PLCE1: variants seen among roughly 807,000 people sequenced by gnomAD.
The protein encoded by PLCE1 is phospholipase C epsilon 1, also known as 1-phosphatidylinositol 4,5-bisphosphate phosphodiesterase epsilon-1.
PLCE1 carries 119 observed loss-of-function variants against 242.8 expected under a neutral mutation model. The ratio of observed to expected loss-of-function variants is 0.49; its 90% CI spans 0.42 to 0.57. The LOEUF (loss-of-function observed/expected upper bound fraction) is 0.57, where lower values mean the gene tolerates loss of function less well. Among genes scored for constraint, PLCE1 ranks in the 20% least tolerant of loss-of-function variants. The probability of loss-of-function intolerance (pLI) is 0.00; values close to 1 mark genes in which losing one functional copy is unlikely to be tolerated. For synonymous variants in PLCE1, 945 were observed against 1,017.4 expected, an observed-to-expected ratio of 0.93 and a Z score of 1.35; for missense variants, 2,441 against 2,788.8, an observed-to-expected ratio of 0.88 and a Z score of 2.81.
At chr10:94,071,027 G>A (rs1012441958) in intron 2 of PLCE1, among the ~76,000 whole-genome samples, 2 of 152,190 alleles carry the variant, frequency 1.3e-5, no homozygotes, top group African/African-American at 2.4e-5. Flanking sequence ...TGGGAGGAGA[G>A]CTTCCCCTTT....
At chr10:94,321,214 C>T (rs17517173) in intron 29 of PLCE1, among the ~76,000 whole-genome samples, 5,312 of 152,318 alleles carry the variant, frequency 0.035, 146 homozygotes, top group South Asian at 0.063. Flanking sequence ...AAATGCTCAA[C>T]GTCTGTGGAA....
At chr10:94,101,722 G>A (rs552152204) in intron 2 of PLCE1, among the ~76,000 whole-genome samples, 1 of 152,336 alleles carries the variant, frequency 6.6e-6, no homozygotes, top group South Asian at 2.1e-4. Flanking sequence ...CTCTTTGGAG[G>A]GGCTGGCTTG....
intron 22 of PLCE1, among the ~76,000 whole-genome samples, chr10:94,286,003 A>G (rs1454982701): frequency 1.3e-5 from 2 of 152,140 alleles, no homozygotes; most frequent in African/African-American, 4.8e-5. Context: ...GCTGTTTTCA[A>G]TGAGGTACTC....
chr10:94,171,871 C>A (rs1164560802), intron 4 of PLCE1, among the ~76,000 whole-genome samples: 1 of 152,084 alleles, frequency 6.6e-6, no homozygotes, highest in African/African-American at 2.4e-5. Flanking sequence ...CAGCATGATC[C>A]CTGACCACAT....
At chr10:94,093,934 C>CTTGTTTTTTTTTT (rs2045185514) in intron 2 of PLCE1, among the ~76,000 whole-genome samples, 1 of 79,192 alleles carries the variant, frequency 1.3e-5, no homozygotes, top group African/African-American at 5.5e-5. Flanking sequence ...ATCGGTATTT[C>CTTGTTTTTTTTTT]TTTTTTTTTT....
At chr10:94,264,414 A>G (rs1340545381) in intron 14 of PLCE1, among the ~76,000 whole-genome samples, 1 of 152,014 alleles carries the variant, frequency 6.6e-6, no homozygotes, top group African/African-American at 2.4e-5. Flanking sequence ...CAAGGGCCCA[A>G]TCATCCGGGC....
At chr10:94,204,325 A>G (rs752425046) in intron 4 of PLCE1, among the ~76,000 whole-genome samples, 2 of 152,176 alleles carry the variant, frequency 1.3e-5, no homozygotes, top group Non-Finnish European at 2.9e-5. Context: ...AGCACATCAA[A>G]TCATCAGAAA....
chr10:94,226,831 C>CTCTCTTT (rs67656949), intron 4 of PLCE1, among the ~76,000 whole-genome samples: 2 of 101,818 alleles, frequency 2.0e-5, no homozygotes, highest in Non-Finnish European at 3.9e-5. Context: ...ACCTATAGGT[C>CTCTCTTT]TTTTTTTTTT....
chr10:94,231,260 A>G (rs906101578), intron 5 of PLCE1, among the ~76,000 whole-genome samples: 2 of 152,178 alleles, frequency 1.3e-5, no homozygotes, highest in African/African-American at 2.4e-5. Flanking sequence ...TTCATTACTC[A>G]CACAATAAGA....
At chr10:94,100,039 G>A (rs1244738620) in intron 2 of PLCE1, 1 of 152,208 alleles carries the variant, frequency 6.6e-6, no homozygotes, top group African/African-American at 2.4e-5. Context: ...GGTGCTCTGG[G>A]TGGGTCTCAG....
At position 94,293,541 on chromosome 10, in the gene PLCE1, G is replaced by A. The variant is rs1335336022; in HGVS notation, c.5069G>A (p.Arg1690Lys). The A allele has an allele frequency of 1.9e-6, 3 of 1,613,816 alleles. No individual in the cohort carries two copies. The South Asian group carries it at 3.3e-5, about 18-fold the overall frequency. ...ACTCTAAATGCATCTGGCTCTAGCA[G>A]AGGAAAAGAAAGGAAAAGCAGGAAG... ...LSTLNASGSSRGKERKSRKSI... is the reference protein window; with the variant it reads ...LSTLNASGSSKGKERKSRKSI... The change falls in exon 23 of 33, where the codon AGA (arginine) becomes AAA (lysine). Residue 1690 changes from arginine to lysine, a missense_variant. Physicochemically the swap from Arg to Lys is conservative, Grantham distance 26 (BLOSUM62 2). Coordinates refer to ENST00000371380, the MANE Select transcript of PLCE1 (RefSeq NM_016341.4).
At chr10:94,014,372 G>C (rs2061234341) in intron 1 of PLCE1, among the ~76,000 whole-genome samples, 1 of 151,808 alleles carries the variant, frequency 6.6e-6, no homozygotes, top group South Asian at 2.1e-4. Flanking sequence ...GGGAGGCTGA[G>C]GCAGGAGGAT....
intron 2 of PLCE1, among the ~76,000 whole-genome samples, chr10:94,042,512 T>C (rs1464642090): frequency 2.0e-5 from 3 of 152,186 alleles, no homozygotes; most frequent in African/African-American, 7.2e-5. Context: ...TGGAAGATTC[T>C]GATGCAACTT....
At position 94,297,701 on chromosome 10, in the gene PLCE1, T is replaced by C. The variant is rs550426415; in HGVS notation, c.5168-678T>C. 9.9e-5 allele frequency among the ~76,000 whole-genome samples: 15 copies of C among 150,848 alleles called. No homozygotes were observed. The South Asian group carries it at 3.2e-3, about 32-fold the overall frequency. On this transcript the variant is annotated intron_variant, in intron 23 of 32. Transcript: ENST00000371380. ...ATGCCTGTATAACCAAACATACATG[T>C]ATAACTTTATATTTGCTATAACTTT...
chr10:94,320,840 A>G (rs570225023), intron 29 of PLCE1, among the ~76,000 whole-genome samples: 13 of 152,328 alleles, frequency 8.5e-5, no homozygotes, highest in African/African-American at 3.1e-4. Flanking sequence ...ACATAGTCAC[A>G]TACACAAAAA....
At chr10:94,057,148 A>G (rs1040213629) in intron 2 of PLCE1, among the ~76,000 whole-genome samples, 2 of 152,048 alleles carry the variant, frequency 1.3e-5, no homozygotes, top group Non-Finnish European at 2.9e-5. Flanking sequence ...TATGTTTTCA[A>G]TTCTTCTGGT....
chr10:94,322,103 A>T (rs779797488), intron 30 of PLCE1, 44 bp downstream of exon 30: 1 of 1,567,766 alleles, frequency 6.4e-7, no homozygotes, highest in South Asian at 1.1e-5. Flanking sequence ...TCCTCAGCAT[A>T]AATTATTGGA....
At chr10:94,003,673 G>A (rs769206612) in intron 1 of PLCE1, among the ~76,000 whole-genome samples, 5 of 152,172 alleles carry the variant, frequency 3.3e-5, no homozygotes, top group Admixed American at 6.5e-5. Flanking sequence ...AGAGTGACAG[G>A]TGCAGCTTCA....
intron 25 of PLCE1, among the ~76,000 whole-genome samples, chr10:94,305,884 G>C (rs1281726327): frequency 2.0e-5 from 3 of 152,094 alleles, no homozygotes; most frequent in Non-Finnish European, 4.4e-5. Flanking sequence ...TGAACATTTT[G>C]ATAGTTGAAA....
Sources: gnomAD v4.1 joint callset for allele counts (sites outside exome capture counted in the v4.1 genomes callset) on GRCh38, gnomAD v4.1.1 for gene constraint, MANE v1.5 for transcripts, NCBI Gene and HGNC (gene_info 2026-07-23, HGNC 2026-07-21) for gene names.